The following DPH6 variants were observed in gnomAD, a reference collection of about 807,000 sequenced individuals.
The protein encoded by DPH6 is diphthamine biosynthesis 6.
Under a neutral mutation model 38.2 loss-of-function variants are expected in DPH6, and 33 were observed. The ratio of observed to expected loss-of-function variants is 0.86; its 90% CI spans 0.65 to 1.15. The LOEUF is 1.15. Among genes scored for constraint, DPH6 ranks in the 50% most tolerant of loss-of-function variants. The probability of loss-of-function intolerance (pLI) is 0.00; values close to 1 mark genes in which losing one functional copy is unlikely to be tolerated. For missense variants in DPH6, 325 were observed against 320.0 expected (o/e 1.02, Z -0.12); for synonymous variants, 108 against 103.0 (o/e 1.05, Z -0.30).
chr15:35,366,254 G>A (rs929857946), downstream of DPH6, among the ~76,000 whole-genome samples: 50 of 151,158 alleles, frequency 3.3e-4, no homozygotes, highest in African/African-American at 1.2e-3. Flanking sequence ...GTGTGTGTGT[G>A]TGTGTGTGTA....
intron 3 of DPH6, among the ~76,000 whole-genome samples, chr15:35,252,403 A>G (rs1295304288): frequency 6.6e-6 from 1 of 152,254 alleles, no homozygotes; most frequent in Non-Finnish European, 1.5e-5. Context: ...TCCTGGGTTG[A>G]GCAGAGCTAA....
the DPH6 span, among the ~76,000 whole-genome samples, chr15:35,167,204 A>C: frequency 6.6e-6 from 1 of 152,066 alleles, no homozygotes; most frequent in Non-Finnish European, 1.5e-5. Context: ...ATCTTTTTTA[A>C]AACCACTGGA....
intron 3 of DPH6, among the ~76,000 whole-genome samples, chr15:35,289,187 C>T (rs745518031): frequency 1.3e-5 from 2 of 152,108 alleles, no homozygotes; most frequent in Non-Finnish European, 2.9e-5. Flanking sequence ...AACAGCTAAC[C>T]TTGAGGACAA....
intron 7 of DPH6, among the ~76,000 whole-genome samples, chr15:35,374,648 T>C (rs935678651): frequency 9.9e-5 from 15 of 152,114 alleles, no homozygotes; most frequent in African/African-American, 3.1e-4. Flanking sequence ...TATGTATCTT[T>C]CTAATGCTTA....
At chr15:35,395,712 C>T (rs2053122703) in intron 6 of DPH6, among the ~76,000 whole-genome samples, 1 of 152,126 alleles carries the variant, frequency 6.6e-6, no homozygotes, top group East Asian at 1.9e-4. Context: ...CTCCCAAGTG[C>T]TTTTATAGTA....
At chr15:35,164,986 T>C in the DPH6 span, among the ~76,000 whole-genome samples, 1 of 151,894 alleles carries the variant, frequency 6.6e-6, no homozygotes, top group Non-Finnish European at 1.5e-5. Context: ...AATTCACTTT[T>C]CCCCTTAAGC....
chr15:35,526,509 T>C (rs1306348122), intron 3 of DPH6, among the ~76,000 whole-genome samples: 2 of 152,158 alleles, frequency 1.3e-5, no homozygotes, highest in Non-Finnish European at 2.9e-5. Context: ...CAGCACTGTA[T>C]ACAAATAAGT....
At chr15:35,381,782 A>C (rs762990155) in intron 7 of DPH6, 40 bp downstream of exon 7, 7 of 1,550,570 alleles carry the variant, frequency 4.5e-6, no homozygotes. Flanking sequence ...CATCACTTAA[A>C]TTTATGGGAA....
intron 3 of DPH6, among the ~76,000 whole-genome samples, chr15:35,297,140 G>A (rs1301136851): frequency 1.3e-5 from 2 of 152,066 alleles, no homozygotes; most frequent in East Asian, 1.9e-4. Context: ...TCACTGTCCC[G>A]TGTCTTCAGT....
At chr15:35,495,294 C>T (rs528122339) in intron 3 of DPH6, among the ~76,000 whole-genome samples, 1 of 152,126 alleles carries the variant, frequency 6.6e-6, no homozygotes, top group East Asian at 1.9e-4. Flanking sequence ...AGACATTGTT[C>T]GCAGATACAA....
chr15:35,233,667 C>T (rs1426890480), intron 3 of DPH6, among the ~76,000 whole-genome samples: 1 of 152,146 alleles, frequency 6.6e-6, no homozygotes. Context: ...TATAACTTCC[C>T]TTATAGACAA....
the DPH6 span, among the ~76,000 whole-genome samples, chr15:35,150,233 C>T: frequency 7.2e-5 from 11 of 152,232 alleles, no homozygotes; most frequent in African/African-American, 1.9e-4. Context: ...ATTACTCTTT[C>T]GGAGGTGACA....
chr15:35,230,515 C>T (rs553762101), intron 3 of DPH6, among the ~76,000 whole-genome samples: 1 of 152,268 alleles, frequency 6.6e-6, no homozygotes, highest in Non-Finnish European at 1.5e-5. Context: ...TGATGCTCTA[C>T]CCAACTGTGG....
chr15:35,510,794 A>G (rs2054759122), intron 3 of DPH6, among the ~76,000 whole-genome samples: 1 of 152,240 alleles, frequency 6.6e-6, no homozygotes, highest in South Asian at 2.1e-4. Context: ...TATATGTGAG[A>G]CCATCACAGA....
the DPH6 span, among the ~76,000 whole-genome samples, chr15:35,202,382 T>C: frequency 8.6e-5 from 13 of 151,798 alleles, no homozygotes; most frequent in African/African-American, 2.9e-4. Context: ...TCACCTTCTT[T>C]AATAATTCTT....
intron 5 of DPH6, among the ~76,000 whole-genome samples, chr15:35,414,681 G>C (rs1451697773): frequency 6.7e-6 from 1 of 148,902 alleles, no homozygotes; most frequent in African/African-American, 2.5e-5. Context: ...CTCTGTCTGT[G>C]GCTTTTTCTA....
chr15:35,166,661 G>A, the DPH6 span, among the ~76,000 whole-genome samples: 3 of 151,964 alleles, frequency 2.0e-5, no homozygotes, highest in African/African-American at 7.2e-5. Context: ...TATTAGTGTA[G>A]TAAGAATGCA....
At chr15:35,195,020 T>C in the DPH6 span, among the ~76,000 whole-genome samples, 1 of 152,306 alleles carries the variant, frequency 6.6e-6, no homozygotes, top group South Asian at 2.1e-4. Context: ...TTTCATTCTA[T>C]CTAAGTGTTT....
intron 3 of DPH6, among the ~76,000 whole-genome samples, chr15:35,251,263 T>G (rs1043461846): frequency 6.6e-6 from 1 of 152,292 alleles, no homozygotes; most frequent in South Asian, 2.1e-4. Context: ...CACGAGTATA[T>G]TTTCTGTTAC....
Sources: allele counts gnomAD v4.1 joint callset (sites outside exome capture counted in the v4.1 genomes callset), GRCh38; gene constraint gnomAD v4.1.1; transcripts MANE v1.5; gene names NCBI Gene and HGNC (gene_info 2026-07-23, HGNC 2026-07-21).